LARP6: variants seen among roughly 807,000 people sequenced by gnomAD.
LARP6 encodes La ribonucleoprotein 6, translational regulator, also known as la-related protein 6.
Under a neutral mutation model 32.8 loss-of-function variants are expected in LARP6, and 18 were observed. The observed-to-expected ratio is 0.55, with a 90% CI of 0.38 to 0.81. The LOEUF is 0.81. Among genes scored for constraint, LARP6 ranks in the 40% least tolerant of loss-of-function variants. LARP6 has a pLI of 0.00. For missense variants in LARP6, 598 were observed against 663.1 expected (o/e 0.90, Z 1.08); for synonymous variants, 289 against 267.2 (o/e 1.08, Z -0.80).
Position 70,832,502 on chromosome 15 carries a change from G to C in LARP6, c.1026C>G (p.Pro342=), listed in dbSNP as rs142199837. Residue 342 remains proline (P), a synonymous_variant, in exon 3 of 3, where the codon CCC becomes CCG. Transcript: ENST00000299213. The stretch of plus-strand genomic sequence containing the variant: ...CCATAGGGGATGTGGGGTTGCTCTC[G>C]GGGTCAGAGGAGCTGTTGGCAGAAG... ...DESSANSSSD[P]ESNPTSPMAG... The C allele has an allele frequency of 2.6e-6, 4 of 1,542,214 alleles. No homozygotes were observed. Among genetic ancestry groups the C allele is most frequent in the African/African-American group, 1.4e-5 (1 of 72,392 alleles).
At chr15:70,835,834 G>C (rs2032137005) in intron 2 of LARP6, among the ~76,000 whole-genome samples, 1 of 152,216 alleles carries the variant, frequency 6.6e-6, no homozygotes, top group African/African-American at 2.4e-5. Context: ...CACAGGCAGA[G>C]CATGTGTGTC....
intron 1 of LARP6, among the ~76,000 whole-genome samples, chr15:70,837,963 T>C (rs1431247652): frequency 1.3e-5 from 2 of 152,246 alleles, no homozygotes; most frequent in Admixed American, 6.5e-5. Context: ...GACCCGAGTC[T>C]AAACGCAAAT....
chr15:70,835,440 C>A (rs1157209963), intron 2 of LARP6, among the ~76,000 whole-genome samples: 1 of 152,052 alleles, frequency 6.6e-6, no homozygotes, highest in African/African-American at 2.4e-5. Context: ...AGACAATGAG[C>A]ATATTTGATG....
intron 1 of LARP6, among the ~76,000 whole-genome samples, chr15:70,838,526 G>C (rs528755674): frequency 6.6e-6 from 1 of 151,974 alleles, no homozygotes; most frequent in Non-Finnish European, 1.5e-5. Context: ...ATCCCATCAC[G>C]GGGTCTCTTC....
In LARP6 at chr15:70,832,207, T is replaced by C. The variant is rs780524972; in HGVS notation, c.1321A>G (p.Met441Val). 4 of 1,613,536 alleles carry C rather than the reference T, an allele frequency of 2.5e-6. No individual in the cohort carries two copies. In the South Asian group the frequency reaches 4.4e-5, roughly 18 times the overall value. Reference protein sequence around the residue: ...PWVRRRRQAEMGTQEKSPGTS... With the variant: ...PWVRRRRQAEVGTQEKSPGTS... ...CCGGGGCTTTTCTCCTGGGTCCCCA[T>C]CTCGGCTTGGCGACGCCTCCGGACC... Residue 441 changes from methionine to valine, a missense_variant, in exon 3 of 3, where the codon ATG becomes GTG. By Grantham distance (21) the Met-to-Val change is conservative. This residue lies in a region of LARP6 where 368 missense variants were observed against 397.9 expected (regional missense o/e 0.92). Coordinates refer to ENST00000299213, the MANE Select transcript of LARP6 (RefSeq NM_018357.4).
intron 1 of LARP6, among the ~76,000 whole-genome samples, chr15:70,838,979 A>T (rs1420159027): frequency 6.6e-6 from 1 of 151,936 alleles, no homozygotes; most frequent in Admixed American, 6.6e-5. Flanking sequence ...TATTCTGGCA[A>T]GAGAGAAAAA....
intron 1 of LARP6, among the ~76,000 whole-genome samples, chr15:70,839,523 A>G (rs2032212650): frequency 6.6e-6 from 1 of 152,178 alleles, no homozygotes; most frequent in Non-Finnish European, 1.5e-5. Context: ...ATGGGATGAT[A>G]AAAGTCAGAC....
At chr15:70,852,399 C>A in intron 1 of LARP6, 1 of 383,422 alleles carries the variant, frequency 2.6e-6, no homozygotes, top group South Asian at 1.9e-5. Context: ...TTCTCCTAGA[C>A]CTCCATAGGG....
chr15:70,836,304 G>C lies in LARP6; in HGVS notation c.402C>G (p.Ser134=). ...GAGAACCAAGCCTCACCTTTTTGAAGGATGTGAGTAGCTTAACGCTCACAT... is the reference window on the plus strand; with the variant it reads ...GAGAACCAAGCCTCACCTTTTTGAACGATGTGAGTAGCTTAACGCTCACAT... ...LGYVSVKLLT[S]FKKVKHLTRD... is the part of the protein sequence containing the mutation. The change falls in exon 2 of 3, where the codon TCC becomes TCG. Residue 134 remains serine, a synonymous_variant. Transcript: ENST00000299213. 1 of 1,613,912 alleles carries C rather than the reference G, an allele frequency of 6.2e-7. No homozygotes were observed.
At position 70,854,060 on chromosome 15, in the gene LARP6, G is replaced by A. The variant is rs1218755053; in HGVS notation, c.29C>T (p.Pro10Leu). Residue 10 changes from proline (P) to leucine (L), a missense_variant, in exon 1 of 3, where the codon CCC becomes CTC. Transcript: ENST00000299213. MAQSGGEAR[P>L]GPKTAVQIRV... ...GATCTGCACCGCCGTCTTGGGCCCG[G>A]GCCGAGCCTCCCCGCCGGACTGGGC... The A allele has an allele frequency of 6.5e-6, 9 of 1,391,036 alleles. No individual in the cohort carries two copies. Among genetic ancestry groups the A allele is most frequent in the African/African-American group, 1.5e-5 (1 of 67,032 alleles). The allele number at this position is 1,391,036 out of a possible 1,614,324, so 86.2% of individuals were successfully genotyped here.
At chr15:70,840,912 C>CTTT (rs71438504) in intron 1 of LARP6, among the ~76,000 whole-genome samples, 3 of 139,494 alleles carry the variant, frequency 2.2e-5, no homozygotes, top group South Asian at 4.6e-4. Flanking sequence ...TCTTTTCTCT[C>CTTT]TTTTTTTTTT....
chr15:70,853,872 C>A lies in LARP6; in HGVS notation c.200+17G>T. The A allele has an allele frequency of 2.4e-6, 3 of 1,261,250 alleles. No homozygotes were observed. In the African/African-American group the frequency reaches 4.7e-5, roughly 20 times the overall value. 78.1% of individuals were successfully genotyped at this position (1,261,250 alleles called of 1,614,324 possible). A position where few individuals can be genotyped will look rare whatever the true frequency, so the allele number is the denominator to read the frequency against. On this transcript the variant is annotated intron_variant, in intron 1 of 2. Transcript: ENST00000299213. ...GCCCCCTCGGGGCCCACCTCCCGGGCCAGCCGCCGCGCCTACCTGTGCCCG... is the reference window on the plus strand; with the variant it reads ...GCCCCCTCGGGGCCCACCTCCCGGGACAGCCGCCGCGCCTACCTGTGCCCG...
intron 1 of LARP6, among the ~76,000 whole-genome samples, chr15:70,837,733 T>C (rs1276239006): frequency 6.6e-6 from 1 of 152,194 alleles, no homozygotes; most frequent in Non-Finnish European, 1.5e-5. Flanking sequence ...CCATCTGCCT[T>C]GGCCTCCCAA....
intron 1 of LARP6, among the ~76,000 whole-genome samples, chr15:70,841,114 C>T (rs1456118171): frequency 6.6e-6 from 1 of 151,868 alleles, no homozygotes; most frequent in Non-Finnish European, 1.5e-5. Context: ...AGGGTTTCAC[C>T]GTGTTAGCCA....
chr15:70,842,447 T>C (rs1009338581), intron 1 of LARP6, among the ~76,000 whole-genome samples: 2 of 152,092 alleles, frequency 1.3e-5, no homozygotes, highest in African/African-American at 4.8e-5. Flanking sequence ...GCTCATCAAA[T>C]TCAAATCTAC....
intron 1 of LARP6, among the ~76,000 whole-genome samples, chr15:70,838,912 C>CAAAAAAAAAA (rs1555422818): frequency 9.7e-6 from 1 of 102,900 alleles, no homozygotes; most frequent in African/African-American, 4.6e-5. Flanking sequence ...CTCAGCCTCA[C>CAAAAAAAAAA]AAAAAAAAAA....
rs1281322881 is a variant in LARP6 at position 70,831,424 on chromosome 15, CTTAAAGAAAAGAA to C, written c.*615_*627del. ...AAATAAAAAAATTTTTAAATGTTCTCTTAAAGAAAAGAAAGATGTCTCTGCTAAGCTCCTCAGG... is the reference window on the plus strand; with the variant it reads ...AAATAAAAAAATTTTTAAATGTTCTCAGATGTCTCTGCTAAGCTCCTCAGG... On this transcript the variant is annotated 3_prime_UTR_variant, in exon 3 of 3. Coordinates refer to ENST00000299213, the MANE Select transcript of LARP6 (RefSeq NM_018357.4). 1 of 152,196 alleles carries C rather than the reference CTTAAAGAAAAGAA, an allele frequency of 6.6e-6. No homozygotes were observed. Among genetic ancestry groups the C allele is most frequent in the Non-Finnish European group, 1.5e-5 (1 of 68,040 alleles). 9.4% of individuals were successfully genotyped at this position (152,196 alleles called of 1,614,324 possible).
At chr15:70,851,821 C>T (rs774468042) in intron 1 of LARP6, 20 of 1,570,196 alleles carry the variant, frequency 1.3e-5, no homozygotes, top group Non-Finnish European at 1.6e-5. Flanking sequence ...ACACAGCCAG[C>T]TCTGGGGTGG....
intron 1 of LARP6, among the ~76,000 whole-genome samples, chr15:70,842,820 G>A (rs1166625910): frequency 2.6e-5 from 4 of 152,116 alleles, no homozygotes; most frequent in Admixed American, 6.5e-5. Context: ...ACCCCTATAC[G>A]AGTGCAGAGG....
Sources: gnomAD v4.1 joint callset for allele counts (sites outside exome capture counted in the v4.1 genomes callset) on GRCh38, gnomAD v4.1.1 for gene constraint, gnomAD v4.1.1 regional missense constraint, MANE v1.5 for transcripts, NCBI Gene and HGNC (gene_info 2026-07-23, HGNC 2026-07-21) for gene names.